The following POU6F2 variants were observed in gnomAD, a reference collection of about 807,000 sequenced individuals.
POU6F2 encodes the protein POU class 6 homeobox 2.
Under a neutral mutation model 71.3 loss-of-function variants are expected in POU6F2, and 31 were observed. That is an observed-to-expected ratio of 0.43 (90% confidence interval 0.33 to 0.59). The LOEUF (loss-of-function observed/expected upper bound fraction) is 0.59, where lower values mean the gene tolerates loss of function less well. Ranked by LOEUF, POU6F2 falls within the 20% of genes least tolerant of loss-of-function variation. The pLI is 0.04. For synonymous variants in POU6F2, 347 were observed against 355.7 expected, an observed-to-expected ratio of 0.98 and a Z score of 0.27; for missense variants, 783 against 856.8, an observed-to-expected ratio of 0.91 and a Z score of 1.07.
chr7:39,244,093 G>A (rs573166764), intron 4 of POU6F2, among the ~76,000 whole-genome samples: 3 of 152,234 alleles, frequency 2.0e-5, no homozygotes, highest in Admixed American at 6.5e-5. Flanking sequence ...TTGGTTTACT[G>A]TATTTCCAGA....
At chr7:39,341,311 G>A (rs1485338780) in intron 5 of POU6F2, among the ~76,000 whole-genome samples, 2 of 152,060 alleles carry the variant, frequency 1.3e-5, no homozygotes, top group Non-Finnish European at 2.9e-5. Context: ...TGGGCTCTTG[G>A]GCCAGGGCTA....
chr7:39,078,340 C>T (rs994913780), intron 1 of POU6F2, among the ~76,000 whole-genome samples: 1 of 152,118 alleles, frequency 6.6e-6, no homozygotes, highest in Non-Finnish European at 1.5e-5. Flanking sequence ...ACTTGCTAGA[C>T]CATTAATATT....
intron 1 of POU6F2, among the ~76,000 whole-genome samples, chr7:39,016,282 A>G (rs913407549): frequency 8.0e-5 from 12 of 149,112 alleles, no homozygotes; most frequent in African/African-American, 3.0e-4. Flanking sequence ...TATAATAACA[A>G]CTATTTATTG....
chr7:39,062,874 T>TTTG (rs764958457), intron 1 of POU6F2, among the ~76,000 whole-genome samples: 1 of 150,856 alleles, frequency 6.6e-6, no homozygotes, highest in Non-Finnish European at 1.5e-5. Flanking sequence ...TGTTTGTTTG[T>TTTG]TTTTTACCAA....
chr7:38,978,478 T>C (rs1026595127), intron 1 of POU6F2, among the ~76,000 whole-genome samples: 1 of 152,166 alleles, frequency 6.6e-6, no homozygotes, highest in Admixed American at 6.5e-5. Flanking sequence ...TGCTCTCTCC[T>C]TCTCTCTTTC....
At chr7:39,231,973 C>T (rs1047030575) in intron 4 of POU6F2, among the ~76,000 whole-genome samples, 2 of 151,998 alleles carry the variant, frequency 1.3e-5, no homozygotes, top group African/African-American at 4.8e-5. Context: ...CATTGTGTTA[C>T]GAATAAATGA....
At chr7:39,280,025 G>A (rs1784531955) in intron 4 of POU6F2, among the ~76,000 whole-genome samples, 1 of 152,126 alleles carries the variant, frequency 6.6e-6, no homozygotes, top group African/African-American at 2.4e-5. Flanking sequence ...GATTGTAGAT[G>A]TGAGTCTCCG....
At chr7:39,050,130 GT>G (rs1220025459) in intron 1 of POU6F2, among the ~76,000 whole-genome samples, 3 of 151,890 alleles carry the variant, frequency 2.0e-5, no homozygotes, top group Non-Finnish European at 4.4e-5. Context: ...AATTTTTGAA[GT>G]TTTTTTCATC....
intron 6 of POU6F2, among the ~76,000 whole-genome samples, chr7:39,414,712 GC>G (rs3216235): frequency 4.4e-5 from 5 of 112,374 alleles, no homozygotes; most frequent in African/African-American, 1.6e-4. Flanking sequence ...CTTCTACCCC[GC>G]CCCCCCACCA....
chr7:39,028,150 T>TA (rs1789857674), intron 1 of POU6F2, among the ~76,000 whole-genome samples: 1 of 152,172 alleles, frequency 6.6e-6, no homozygotes, highest in Non-Finnish European at 1.5e-5. Flanking sequence ...GTGAAAAGCC[T>TA]GTTCATGTCA....
chr7:39,383,573 C>A (rs1435804083), intron 5 of POU6F2, among the ~76,000 whole-genome samples: 2 of 152,154 alleles, frequency 1.3e-5, no homozygotes, highest in African/African-American at 4.8e-5. Flanking sequence ...TCTCCACCAA[C>A]AGAGTATTAA....
In POU6F2 at chr7:39,361,776, G is replaced by A. The variant is rs80005980; in HGVS notation, c.972+21761G>A. Among the ~76,000 whole-genome samples the A allele has an allele frequency of 9.3e-3, 1,417 of 152,234 alleles. 16 individuals are homozygous for A. The highest frequency in any genetic ancestry group is 0.032 in the African/African-American group (1,343 of 41,534). Reference sequence around the variant, plus strand: ...TTTCTCTCACCATTTCTCCTTACTCGTGCTGTTTGAAGAGGTCACAATGAA... The same window carrying A: ...TTTCTCTCACCATTTCTCCTTACTCATGCTGTTTGAAGAGGTCACAATGAA... On this transcript the variant is annotated intron_variant, in intron 5 of 9. Coordinates refer to ENST00000518318, the MANE Select transcript of POU6F2 (RefSeq NM_001370959.1).
At chr7:39,214,538 A>G (rs1226575862) in intron 4 of POU6F2, among the ~76,000 whole-genome samples, 1 of 152,156 alleles carries the variant, frequency 6.6e-6, no homozygotes, top group African/African-American at 2.4e-5. Flanking sequence ...GTAGAGGAGA[A>G]TCTCTGTGTA....
chr7:39,441,493 A>G (rs1788404684), intron 7 of POU6F2, among the ~76,000 whole-genome samples: 1 of 152,116 alleles, frequency 6.6e-6, no homozygotes, highest in Admixed American at 6.6e-5. Context: ...GGGAAGGAAG[A>G]CTAAGAGTCC....
At chr7:39,299,734 C>G (rs2128764347) in intron 4 of POU6F2, among the ~76,000 whole-genome samples, 1 of 152,318 alleles carries the variant, frequency 6.6e-6, no homozygotes, top group African/African-American at 2.4e-5. Context: ...TTTGCTGTTT[C>G]TGCACGTGGG....
chr7:39,338,918 T>C (rs1562795626), intron 4 of POU6F2, among the ~76,000 whole-genome samples: 3 of 152,178 alleles, frequency 2.0e-5, no homozygotes. Context: ...TTAGGTGCTG[T>C]CCTGTCCTCA....
intron 4 of POU6F2, among the ~76,000 whole-genome samples, chr7:39,276,765 A>C (rs920044810): frequency 6.6e-6 from 1 of 152,076 alleles, no homozygotes; most frequent in African/African-American, 2.4e-5. Context: ...ACATGGATGA[A>C]ATTGGAAATC....
chr7:39,243,537 G>A (rs1173808688), intron 4 of POU6F2, among the ~76,000 whole-genome samples: 1 of 151,910 alleles, frequency 6.6e-6, no homozygotes, highest in Non-Finnish European at 1.5e-5. Context: ...AAGGATGAGA[G>A]CAAACAAAGA....
At position 39,250,114 on chromosome 7, in the gene POU6F2, T is replaced by C. The variant is rs192482149; in HGVS notation, c.598+42494T>C. Among the ~76,000 whole-genome samples the C allele has an allele frequency of 4.5e-3, 687 of 152,248 alleles. 17 individuals are homozygous for C. Among genetic ancestry groups the C allele is most frequent in the Admixed American group, 0.036 (551 of 15,282 alleles). On this transcript the variant is annotated intron_variant, in intron 4 of 9. Coordinates refer to ENST00000518318, the MANE Select transcript of POU6F2 (RefSeq NM_001370959.1). The stretch of plus-strand genomic sequence containing the variant: ...TCCATCTTGGCAGCCCGCGTGCAAT[T>C]TTATTTTCTACTTCTCTCCTGCATT...
Sources: allele counts gnomAD v4.1 joint callset (sites outside exome capture counted in the v4.1 genomes callset), GRCh38; gene constraint gnomAD v4.1.1; transcripts MANE v1.5; gene names NCBI Gene and HGNC (gene_info 2026-07-23, HGNC 2026-07-21).